The following CCDC15 variants were observed in gnomAD, a reference collection of about 807,000 sequenced individuals.
CCDC15 encodes the protein coiled-coil domain containing 15, also known as coiled-coil domain-containing protein 15.
A neutral mutation model predicts 114.5 loss-of-function variants in CCDC15; 105 were observed. That is an observed-to-expected ratio of 0.92 (90% confidence interval 0.78 to 1.08). The LOEUF is 1.08. Among genes scored for constraint, CCDC15 ranks in the 50% least tolerant of loss-of-function variants. CCDC15 has a pLI of 0.00. For synonymous variants in CCDC15, 334 were observed against 377.8 expected (o/e 0.88, Z 1.34); for missense variants, 1,105 against 1,093.6 (o/e 1.01, Z -0.15).
At chr11:125,001,670 G>A (rs145927895) in intron 11 of CCDC15, among the ~76,000 whole-genome samples, 1 of 152,314 alleles carries the variant, frequency 6.6e-6, no homozygotes, top group East Asian at 1.9e-4. Flanking sequence ...GGCCTTTCGT[G>A]ACTGGCTTCT....
intron 4 of CCDC15, among the ~76,000 whole-genome samples, chr11:124,970,651 A>G (rs1267534741): frequency 6.6e-6 from 1 of 152,210 alleles, no homozygotes; most frequent in Non-Finnish European, 1.5e-5. Flanking sequence ...CCCATGACCT[A>G]CATAGTATTA....
At chr11:124,973,353 AT>A (rs551840016) in intron 4 of CCDC15, among the ~76,000 whole-genome samples, 302 of 144,086 alleles carry the variant, frequency 2.1e-3, no homozygotes, top group Middle Eastern at 3.6e-3. Flanking sequence ...TCATGGGGCT[AT>A]TTTTTTTTTT....
chr11:125,040,054 T>C (rs1169316991), intron 15 of CCDC15, among the ~76,000 whole-genome samples: 1 of 151,246 alleles, frequency 6.6e-6, no homozygotes, highest in Non-Finnish European at 1.5e-5. Flanking sequence ...TTGTTTTTGT[T>C]TTTTTTTTTC....
In CCDC15 at chr11:125,038,980, T is replaced by C. The variant is rs373828878; in HGVS notation, c.2645T>C (p.Leu882Ser). ...QEKMQLYNIT[L>S]PPLCCCGPDF... ...AAAATGCAGCTGTATAATATTACTTTACCTCCACTATGCTGTTGTGGTCCT... is the reference window on the plus strand; with the variant it reads ...AAAATGCAGCTGTATAATATTACTTCACCTCCACTATGCTGTTGTGGTCCT... The change falls in exon 15 of 16, where the codon TTA becomes TCA. Residue 882 changes from leucine to serine, a missense_variant. Physicochemically the swap from Leu to Ser is moderately radical, Grantham distance 145. Transcript: ENST00000344762. 2.0e-5 allele frequency: 32 copies of C among 1,613,336 alleles called. No homozygotes were observed. Among genetic ancestry groups the C allele is most frequent in the Middle Eastern group, 1.6e-4 (1 of 6,082 alleles).
chr11:125,013,718 T>A (rs1948611449), intron 13 of CCDC15, among the ~76,000 whole-genome samples: 1 of 152,210 alleles, frequency 6.6e-6, no homozygotes, highest in Non-Finnish European at 1.5e-5. Flanking sequence ...GCTAGTGAGT[T>A]CAGTTTGTGA....
At chr11:125,036,571 G>A (rs996665391) in intron 13 of CCDC15, among the ~76,000 whole-genome samples, 4 of 151,980 alleles carry the variant, frequency 2.6e-5, no homozygotes, top group African/African-American at 9.7e-5. Context: ...CTCATCTTTC[G>A]ATTTCCTCCT....
At chr11:125,030,926 G>A (rs1288053962) in intron 13 of CCDC15, among the ~76,000 whole-genome samples, 3 of 152,124 alleles carry the variant, frequency 2.0e-5, no homozygotes, top group African/African-American at 7.2e-5. Flanking sequence ...GCACTCACAT[G>A]GGATACAAAT....
intron 13 of CCDC15, among the ~76,000 whole-genome samples, chr11:125,012,830 T>C (rs1948603276): frequency 6.6e-6 from 1 of 152,240 alleles, no homozygotes; most frequent in African/African-American, 2.4e-5. Flanking sequence ...GGGACTGTTC[T>C]ATATGCTGAG....
At chr11:124,980,633 C>T (rs950323447) in intron 6 of CCDC15, among the ~76,000 whole-genome samples, 1 of 152,086 alleles carries the variant, frequency 6.6e-6, no homozygotes, top group African/African-American at 2.4e-5. Context: ...TTTGTCATTT[C>T]TGATTGTGTT....
At chr11:124,988,665 C>A (rs186659727) in intron 8 of CCDC15, among the ~76,000 whole-genome samples, 2 of 152,342 alleles carry the variant, frequency 1.3e-5, no homozygotes, top group East Asian at 3.9e-4. Context: ...GAATTGGAAT[C>A]AATTCCCTCA....
chr11:125,001,789 A>T (rs1046423855), intron 11 of CCDC15, among the ~76,000 whole-genome samples: 1 of 152,152 alleles, frequency 6.6e-6, no homozygotes. Context: ...CATTTTATTT[A>T]TCAATTCATC....
intron 4 of CCDC15, among the ~76,000 whole-genome samples, chr11:124,961,157 G>C (rs1171496705): frequency 6.6e-6 from 1 of 152,210 alleles, no homozygotes; most frequent in Admixed American, 6.5e-5. Flanking sequence ...ATTGACTTAA[G>C]ACAGACACAG....
chr11:125,001,309 G>T (rs1948477647), intron 11 of CCDC15, among the ~76,000 whole-genome samples: 1 of 152,222 alleles, frequency 6.6e-6, no homozygotes, highest in Admixed American at 6.5e-5. Flanking sequence ...TGTCTGCAAA[G>T]GCCTGCAAAA....
At position 125,039,062 on chromosome 11, in the gene CCDC15, C is replaced by A. The variant is rs1034101292; in HGVS notation, c.2727C>A (p.Asn909Lys). ...CCAACAACTGTATTTTCTATAAAAA[C>A]CACAGAGGTAAGTTTCTTGAAGGAA... Reference protein sequence around the residue: ...TCANNCIFYKNHRAYTRALHS... With the variant: ...TCANNCIFYKKHRAYTRALHS... Residue 909 changes from asparagine to lysine, a missense_variant, in exon 15 of 16, where the codon AAC (asparagine) becomes AAA (lysine). By Grantham distance (94) the Asn-to-Lys change is moderately conservative (BLOSUM62 0). Transcript: ENST00000344762. The A allele has an allele frequency of 1.9e-6, 3 of 1,589,678 alleles. No homozygotes were observed. Among genetic ancestry groups the A allele is most frequent in the African/African-American group, 2.7e-5 (2 of 74,194 alleles).
chr11:124,975,166 C>T lies in CCDC15; in HGVS notation c.587C>T (p.Ser196Leu). The T allele has an allele frequency of 1.9e-6, 3 of 1,601,854 alleles. No homozygotes were observed. The highest frequency in any genetic ancestry group is 2.6e-6 in the Non-Finnish European group (3 of 1,175,084). Reference sequence around the variant, plus strand: ...AAAACCGTGATTAAAAAAAAGGGATCAGTGTTTCCAGATGATGGAAGGAAA... The same window carrying T: ...AAAACCGTGATTAAAAAAAAGGGATTAGTGTTTCCAGATGATGGAAGGAAA... ...SFKTVIKKKGSVFPDDGRKSF... is the reference protein window; with the variant it reads ...SFKTVIKKKGLVFPDDGRKSF... The change falls in exon 5 of 16, where the codon TCA becomes TTA. Residue 196 changes from serine (S) to leucine (L), a missense_variant. Transcript: ENST00000344762.
intron 4 of CCDC15, among the ~76,000 whole-genome samples, chr11:124,967,591 C>T (rs1052081816): frequency 2.0e-5 from 3 of 152,170 alleles, no homozygotes; most frequent in African/African-American, 7.2e-5. Context: ...TCCTTTAGCT[C>T]GGAGAAGTTT....
Position 125,005,093 on chromosome 11 carries a change from A to C in CCDC15, c.2308-16A>C, listed in dbSNP as rs758302275. On this transcript the variant is annotated splice_polypyrimidine_tract_variant and intron_variant, in intron 12 of 15. Coordinates refer to ENST00000344762, the MANE Select transcript of CCDC15 (RefSeq NM_025004.3). ...CTGAAAGCAGAATCTTAGTAATTTTAACTTCTTACCTTTAGCGTCAAAAGC... is the reference window on the plus strand; with the variant it reads ...CTGAAAGCAGAATCTTAGTAATTTTCACTTCTTACCTTTAGCGTCAAAAGC... 1 of 1,215,874 alleles carries C rather than the reference A, an allele frequency of 8.2e-7. No individual in the cohort carries two copies. The highest frequency in any genetic ancestry group is 1.5e-5 in the South Asian group (1 of 67,610). 75.3% of individuals were successfully genotyped at this position (1,215,874 alleles called of 1,614,324 possible).
At chr11:124,955,812 C>A (rs1947538206) in intron 2 of CCDC15, among the ~76,000 whole-genome samples, 1 of 151,996 alleles carries the variant, frequency 6.6e-6, no homozygotes, top group Non-Finnish European at 1.5e-5. Flanking sequence ...TATGTATATT[C>A]ATTGATTTAT....
intron 8 of CCDC15, among the ~76,000 whole-genome samples, chr11:124,990,419 A>T (rs939269399): frequency 6.6e-6 from 1 of 152,246 alleles, no homozygotes; most frequent in Non-Finnish European, 1.5e-5. Flanking sequence ...CAGAGACATT[A>T]CACGAGCACA....
Sources: gnomAD v4.1 joint callset for allele counts (sites outside exome capture counted in the v4.1 genomes callset) on GRCh38, gnomAD v4.1.1 for gene constraint, MANE v1.5 for transcripts, NCBI Gene and HGNC (gene_info 2026-07-23, HGNC 2026-07-21) for gene names.